The following TMC1 variants were observed in gnomAD, a reference collection of about 807,000 sequenced individuals.
The protein encoded by TMC1 is transmembrane channel like 1.
TMC1 carries 84 observed loss-of-function variants against 105.8 expected under a neutral mutation model. That is an observed-to-expected ratio of 0.79 (90% CI 0.67 to 0.95). The LOEUF (loss-of-function observed/expected upper bound fraction) is 0.95, where lower values mean the gene tolerates loss of function less well. Ranked by LOEUF, TMC1 falls within the 40% of genes least tolerant of loss-of-function variation. The pLI is 0.00. For synonymous variants in TMC1, 315 were observed against 311.5 expected (o/e 1.01, Z -0.12); for missense variants, 817 against 914.1 (o/e 0.89, Z 1.37).
At chr9:72,650,891 G>GATATATATATAAATATATATATAT (rs1825799091) in intron 5 of TMC1, among the ~76,000 whole-genome samples, 1 of 117,776 alleles carries the variant, frequency 8.5e-6, no homozygotes, top group Non-Finnish European at 1.8e-5. Flanking sequence ...TAGATATATA[G>GATATATATATAAATATATATATAT]ATATATATAT....
intron 4 of TMC1, among the ~76,000 whole-genome samples, chr9:72,639,902 C>T (rs958569861): frequency 6.6e-6 from 1 of 152,164 alleles, no homozygotes; most frequent in Non-Finnish European, 1.5e-5. Flanking sequence ...TACTTACCCC[C>T]CAACTCCAGC....
chr9:72,538,081 A>G (rs1220729520), intron 1 of TMC1, among the ~76,000 whole-genome samples: 1 of 151,674 alleles, frequency 6.6e-6, no homozygotes, highest in East Asian at 1.9e-4. Context: ...ACTTGAGCCC[A>G]GGAGGCAGAG....
intron 8 of TMC1, among the ~76,000 whole-genome samples, chr9:72,720,186 AATTAAT>A (rs1479456507): frequency 3.9e-5 from 6 of 152,200 alleles, no homozygotes; most frequent in Non-Finnish European, 7.3e-5. Flanking sequence ...ATTGTCAGAC[AATTAAT>A]AAGTGATAGA....
intron 2 of TMC1, among the ~76,000 whole-genome samples, chr9:72,614,703 CAG>C (rs1564445735): frequency 6.6e-6 from 1 of 152,272 alleles, no homozygotes; most frequent in South Asian, 2.1e-4. Context: ...CCCTTGGAGA[CAG>C]AGTCTTGCTC....
At chr9:72,565,696 CT>C (rs1824139294) in intron 1 of TMC1, among the ~76,000 whole-genome samples, 1 of 152,130 alleles carries the variant, frequency 6.6e-6, no homozygotes, top group Non-Finnish European at 1.5e-5. Context: ...TTCCACATGG[CT>C]GTGGAGGCCT....
intron 8 of TMC1, among the ~76,000 whole-genome samples, chr9:72,712,347 A>C (rs1588044867): frequency 6.6e-6 from 1 of 152,156 alleles, no homozygotes; most frequent in African/African-American, 2.4e-5. Flanking sequence ...TGAACCTACA[A>C]ATTACTTTGG....
In TMC1 at chr9:72,571,368, TTC is replaced by T. The variant is rs1176559808; in HGVS notation, c.-427-6528_-427-6527del. ...AAGAAAACTACCTGATTACTATTAC[TTC>T]TCTCTTTCTCTCTCTCTCTCTGTGT... On this transcript the variant is annotated intron_variant, in intron 1 of 23. Coordinates refer to ENST00000297784, the MANE Select transcript of TMC1 (RefSeq NM_138691.3). 5.8e-5 allele frequency among the ~76,000 whole-genome samples: 7 copies of T among 120,208 alleles called. 1 individual carries two copies. The highest frequency in any genetic ancestry group is 5.2e-5 in the Non-Finnish European group (3 of 57,850). The allele number at this position is 120,208 out of a possible 152,430, so 78.9% of individuals were successfully genotyped here. A position where few individuals can be genotyped will look rare whatever the true frequency, so the allele number is the denominator to read the frequency against.
intron 1 of TMC1, among the ~76,000 whole-genome samples, chr9:72,552,009 A>G (rs994807625): frequency 1.3e-5 from 2 of 151,836 alleles, no homozygotes; most frequent in African/African-American, 4.8e-5. Flanking sequence ...TCAGAGGTCT[A>G]GCATCCAGAA....
intron 8 of TMC1, among the ~76,000 whole-genome samples, chr9:72,702,915 G>T (rs772177560): frequency 3.3e-5 from 5 of 152,020 alleles, no homozygotes; most frequent in African/African-American, 1.2e-4. Flanking sequence ...AGGACAATAC[G>T]AGCCCTTAGT....
intron 8 of TMC1, among the ~76,000 whole-genome samples, chr9:72,708,188 A>T (rs1466812986): frequency 6.6e-6 from 1 of 152,042 alleles, no homozygotes; most frequent in East Asian, 1.9e-4. Flanking sequence ...AGTTTGAAGG[A>T]AGGTAATTGG....
chr9:72,681,961 G>A (rs1408227230), intron 5 of TMC1, among the ~76,000 whole-genome samples: 2 of 152,198 alleles, frequency 1.3e-5, no homozygotes, highest in Middle Eastern at 3.4e-3. Context: ...GGCCTAAAGA[G>A]TCTCAGAAAA....
intron 5 of TMC1, among the ~76,000 whole-genome samples, chr9:72,678,413 A>G (rs1479348323): frequency 1.3e-5 from 2 of 152,130 alleles, no homozygotes; most frequent in Non-Finnish European, 2.9e-5. Context: ...TATGAGTTTC[A>G]GAATTCAGAC....
intron 5 of TMC1, among the ~76,000 whole-genome samples, chr9:72,680,536 T>C (rs1246163291): frequency 6.6e-6 from 1 of 152,112 alleles, no homozygotes; most frequent in African/African-American, 2.4e-5. Flanking sequence ...ATAGAAAAAA[T>C]GAAGTAAATT....
intron 1 of TMC1, among the ~76,000 whole-genome samples, chr9:72,540,729 C>T (rs549957865): frequency 6.6e-6 from 1 of 152,154 alleles, no homozygotes; most frequent in East Asian, 1.9e-4. Context: ...ACCAGGAGAG[C>T]TCATGCAAGT....
chr9:72,655,750 A>G (rs1298726509), intron 5 of TMC1: 10 of 511,178 alleles, frequency 2.0e-5, no homozygotes, highest in African/African-American at 3.9e-5. Context: ...TCAAAAAAAA[A>G]AAATCATTCA....
chr9:72,557,427 A>T (rs1823961346), intron 1 of TMC1, among the ~76,000 whole-genome samples: 1 of 152,142 alleles, frequency 6.6e-6, no homozygotes. Context: ...TTACTTCTGG[A>T]TGGGATTATG....
intron 4 of TMC1, among the ~76,000 whole-genome samples, chr9:72,640,139 TA>T (rs1325324345): frequency 6.6e-6 from 1 of 152,236 alleles, no homozygotes; most frequent in African/African-American, 2.4e-5. Flanking sequence ...TCATTTTTAC[TA>T]ATGTTGTATA....
chr9:72,562,474 T>C (rs1024210283), intron 1 of TMC1, among the ~76,000 whole-genome samples: 9 of 152,224 alleles, frequency 5.9e-5, no homozygotes, highest in Non-Finnish European at 8.8e-5. Context: ...TTCTGATGGC[T>C]GGAAGTCTAA....
intron 2 of TMC1, among the ~76,000 whole-genome samples, chr9:72,601,189 C>CACAG (rs71357598): frequency 0.058 from 7,472 of 129,066 alleles, 226 homozygotes; most frequent in Middle Eastern, 0.097. Flanking sequence ...CACACACACA[C>CACAG]ACACAGACAC....
Sources: allele counts gnomAD v4.1 joint callset (sites outside exome capture counted in the v4.1 genomes callset), GRCh38; gene constraint gnomAD v4.1.1; transcripts MANE v1.5; gene names NCBI Gene and HGNC (gene_info 2026-07-23, HGNC 2026-07-21).